The following EBF3 variants were observed in gnomAD, a reference collection of about 807,000 sequenced individuals.
EBF3 encodes the protein EBF transcription factor 3, also known as transcription factor COE3.
Under a neutral mutation model 77.1 loss-of-function variants are expected in EBF3, and 18 were observed. The observed-to-expected ratio is 0.23, with a 90% confidence interval of 0.16 to 0.35. The LOEUF (loss-of-function observed/expected upper bound fraction) is 0.35. EBF3 is among the 10% of genes least tolerant of loss of function. The probability of loss-of-function intolerance (pLI) is 1.00; values close to 1 mark genes in which losing one functional copy is unlikely to be tolerated. For missense variants in EBF3, 558 were observed against 860.0 expected (o/e 0.65, Z 4.39); for synonymous variants, 350 against 343.5 (o/e 1.02, Z -0.21).
At chr10:129,958,527 T>C (rs190619615) in intron 5 of EBF3, among the ~76,000 whole-genome samples, 315 of 152,142 alleles carry the variant, frequency 2.1e-3, no homozygotes, top group Non-Finnish European at 2.6e-3. Flanking sequence ...ACGCGCGCTA[T>C]AGTAAGTACA....
chr10:129,881,290 G>A (rs761190098), intron 6 of EBF3, among the ~76,000 whole-genome samples: 18 of 152,094 alleles, frequency 1.2e-4, no homozygotes, highest in African/African-American at 2.4e-4. Context: ...TGTGTCTCTC[G>A]TTGCATCTGT....
At position 129,963,295 on chromosome 10, in the gene EBF3, C is replaced by A; in HGVS notation, c.291+72G>T. Reference sequence around the variant, plus strand: ...CCCGCCGCCTAGGGGGGCACTCGAACCCCCGCGCACCGGCACCGCCTGCCT... The same window carrying A: ...CCCGCCGCCTAGGGGGGCACTCGAAACCCCGCGCACCGGCACCGCCTGCCT... On this transcript the variant is annotated intron_variant, in intron 2 of 16. Coordinates refer to ENST00000440978, the MANE Select transcript of EBF3 (RefSeq NM_001375380.1). This position sits in a 1 kb window ranked among gnomAD's most constrained non-coding sequence, Gnocchi z 7.1. The A allele has an allele frequency of 1.3e-6, 2 of 1,537,480 alleles. No homozygotes were observed. Among genetic ancestry groups the A allele is most frequent in the Non-Finnish European group, 8.7e-7 (1 of 1,144,482 alleles).
chr10:129,860,390 C>T (rs1232971231), intron 10 of EBF3, among the ~76,000 whole-genome samples: 1 of 152,184 alleles, frequency 6.6e-6, no homozygotes, highest in Non-Finnish European at 1.5e-5. Context: ...AAGTGAAATC[C>T]AGATGACCCT....
At chr10:129,911,726 C>T (rs1564881206) in intron 6 of EBF3, among the ~76,000 whole-genome samples, 1 of 152,110 alleles carries the variant, frequency 6.6e-6, no homozygotes, top group African/African-American at 2.4e-5. Context: ...TGGAAAACAG[C>T]ATGAATGAGA....
At chr10:129,889,570 C>A (rs1182188199) in intron 6 of EBF3, among the ~76,000 whole-genome samples, 2 of 152,184 alleles carry the variant, frequency 1.3e-5, no homozygotes, top group Non-Finnish European at 2.9e-5. Flanking sequence ...AAACAGCCAG[C>A]AACACATTCC....
intron 7 of EBF3, among the ~76,000 whole-genome samples, chr10:129,874,096 C>T (rs1304417107): frequency 1.3e-5 from 2 of 152,176 alleles, no homozygotes; most frequent in Non-Finnish European, 2.9e-5. Flanking sequence ...TATCAGGAAA[C>T]GATCCCTGGG....
intron 10 of EBF3, among the ~76,000 whole-genome samples, chr10:129,857,935 C>T (rs532088734): frequency 7.2e-5 from 11 of 152,316 alleles, no homozygotes; most frequent in African/African-American, 2.6e-4. Context: ...CATAAGACAC[C>T]GTGCTCACAC....
At chr10:129,851,381 G>A (rs577091801) in intron 10 of EBF3, among the ~76,000 whole-genome samples, 6 of 152,304 alleles carry the variant, frequency 3.9e-5, no homozygotes, top group East Asian at 3.9e-4. Context: ...CTGGAGAGCC[G>A]TAAATTAATG....
chr10:129,925,146 T>C (rs1056571608), intron 6 of EBF3, among the ~76,000 whole-genome samples: 2 of 151,894 alleles, frequency 1.3e-5, no homozygotes, highest in African/African-American at 2.4e-5. Context: ...GTTTTTGCCA[T>C]TGAAAGTAAT....
rs376742282 is a variant in EBF3 at position 129,894,352 on chromosome 10, G to A, written c.555-16503C>T. ...AATGGGTGCATTAATTAGTCACAAC[G>A]AGGGCTGAGGACTCACTTGTCAACC... On this transcript the variant is annotated intron_variant, in intron 6 of 16. Coordinates refer to ENST00000440978, the MANE Select transcript of EBF3 (RefSeq NM_001375380.1). Among the ~76,000 whole-genome samples the A allele has an allele frequency of 2.8e-4, 43 of 152,246 alleles. No individual in the cohort carries two copies. In the South Asian group the frequency reaches 8.5e-3, roughly 30 times the overall value.
intron 6 of EBF3, among the ~76,000 whole-genome samples, chr10:129,902,230 A>ATTTT (rs34324443): frequency 8.3e-4 from 118 of 142,302 alleles, no homozygotes; most frequent in South Asian, 2.1e-3. Flanking sequence ...ACTTCCAGAC[A>ATTTT]TTTTTTTTTT....
chr10:129,877,891 G>C (rs1852906078), intron 6 of EBF3, 42 bp from the exon 7 acceptor site: 2 of 1,517,502 alleles, frequency 1.3e-6, no homozygotes, highest in African/African-American at 2.8e-5. Context: ...AGGGTTATCA[G>C]ACAAAAGACT....
At position 129,949,193 on chromosome 10, in the gene EBF3, C is replaced by G. The variant is rs1464351444; in HGVS notation, c.554+8065G>C. Reference sequence around the variant, plus strand: ...GCACATGCCTGTAATCCCAGCTACTCGGTAGGCTGAGGCAGGAGAATCACT... The same window carrying G: ...GCACATGCCTGTAATCCCAGCTACTGGGTAGGCTGAGGCAGGAGAATCACT... On this transcript the variant is annotated intron_variant, in intron 6 of 16. Transcript: ENST00000440978. Among the ~76,000 whole-genome samples the G allele has an allele frequency of 2.6e-5, 4 of 152,270 alleles. No individual in the cohort carries two copies. In the South Asian group the frequency reaches 8.3e-4, roughly 32 times the overall value.
Position 129,864,604 on chromosome 10 carries a change from G to A in EBF3, c.1039+2537C>T, listed in dbSNP as rs925504104. Among the ~76,000 whole-genome samples, 5 of 152,308 alleles carry A rather than the reference G, an allele frequency of 3.3e-5. No individual in the cohort carries two copies. The highest frequency in any genetic ancestry group is 4.8e-5 in the African/African-American group (2 of 41,566). Reference sequence around the variant, plus strand: ...AAGGCATCCACTAAAGCATTCATCCGGGATGGGCTGACAGTCCAGTGTAAG... The same window carrying A: ...AAGGCATCCACTAAAGCATTCATCCAGGATGGGCTGACAGTCCAGTGTAAG... On this transcript the variant is annotated intron_variant, in intron 10 of 16. Transcript: ENST00000440978. The surrounding 1 kb of genome is among the most constrained non-coding windows in gnomAD (Gnocchi z 4.4).
At chr10:129,880,382 TAC>T (rs1366946426) in intron 6 of EBF3, among the ~76,000 whole-genome samples, 4 of 151,946 alleles carry the variant, frequency 2.6e-5, no homozygotes, top group South Asian at 2.1e-4. Flanking sequence ...CACACTTGCA[TAC>T]ACACACATGC....
chr10:129,917,966 C>T (rs1005733320), intron 6 of EBF3, among the ~76,000 whole-genome samples: 5 of 152,320 alleles, frequency 3.3e-5, no homozygotes, highest in South Asian at 2.1e-4. Flanking sequence ...CAGAATGGGG[C>T]AGGTGCCAGG....
In EBF3 at chr10:129,890,745, G is replaced by A. The variant is rs3802685; in HGVS notation, c.555-12896C>T. Among the ~76,000 whole-genome samples the A allele has an allele frequency of 6.9e-3, 1,051 of 152,242 alleles. 53 individuals carry two copies. The East Asian group carries it at 0.15, about 22-fold the overall frequency. On this transcript the variant is annotated intron_variant, in intron 6 of 16. Transcript: ENST00000440978. ...CCTAAGATTTGCCCGTTATCCCAAAGTCTTTTTGTTGTAAATTGCAATTTT... is the reference window on the plus strand; with the variant it reads ...CCTAAGATTTGCCCGTTATCCCAAAATCTTTTTGTTGTAAATTGCAATTTT...
At position 129,842,375 on chromosome 10, in the gene EBF3, G is replaced by C; in HGVS notation, c.1195-82C>G. On this transcript the variant is annotated intron_variant, in intron 12 of 16. Transcript: ENST00000440978. The surrounding 1 kb of genome is among the most constrained non-coding windows in gnomAD (Gnocchi z 4.4). ...GCACTCTCGGGGGCCCACCATGGTG[G>C]CATCCCACTGTCCCTTGCCCAGACC... is the stretch of plus-strand genomic sequence containing the variant. 6.8e-7 allele frequency: 1 copy of C among 1,467,288 alleles called. No homozygotes were observed. The highest frequency in any genetic ancestry group is 9.1e-7 in the Non-Finnish European group (1 of 1,097,298). 90.9% of individuals were successfully genotyped at this position (1,467,288 alleles called of 1,614,324 possible).
At position 129,861,934 on chromosome 10, in the gene EBF3, G is replaced by A. The variant is rs1851667944; in HGVS notation, c.1039+5207C>T. ...GGGGCTGGCGTGGTCGAAGGGCACA[G>A]TCGACTCCGCAGTGCTGACGGGACC... is the stretch of plus-strand genomic sequence containing the variant. On this transcript the variant is annotated intron_variant, in intron 10 of 16. Coordinates refer to ENST00000440978, the MANE Select transcript of EBF3 (RefSeq NM_001375380.1). The surrounding 1 kb of genome is among the most constrained non-coding windows in gnomAD (Gnocchi z 4.3). Among the ~76,000 whole-genome samples, 1 of 152,212 alleles carries A rather than the reference G, an allele frequency of 6.6e-6. No homozygotes were observed. The highest frequency in any genetic ancestry group is 2.4e-5 in the African/African-American group (1 of 41,452).
Sources: gnomAD v4.1 joint callset for allele counts (sites outside exome capture counted in the v4.1 genomes callset) on GRCh38, gnomAD v4.1.1 for gene constraint, Gnocchi (gnomAD v3.1) non-coding constraint, MANE v1.5 for transcripts, NCBI Gene and HGNC (gene_info 2026-07-23, HGNC 2026-07-21) for gene names.